Variants in BTG4 observed in about 807,000 individuals in gnomAD.
The protein encoded by BTG4 is BTG anti-proliferation factor 4, also known as protein BTG4.
Under a neutral mutation model 19.3 loss-of-function variants are expected in BTG4, and 10 were observed. That is an observed-to-expected ratio of 0.52 (90% CI 0.32 to 0.88). The LOEUF (loss-of-function observed/expected upper bound fraction) is 0.88, where lower values mean the gene tolerates loss of function less well. Among genes scored for constraint, BTG4 ranks in the 40% least tolerant of loss-of-function variants. The probability of loss-of-function intolerance (pLI) is 0.04; values close to 1 mark genes in which losing one functional copy is unlikely to be tolerated. For synonymous variants in BTG4, 91 were observed against 95.7 expected, an observed-to-expected ratio of 0.95 and a Z score of 0.29; for missense variants, 238 against 281.9, an observed-to-expected ratio of 0.84 and a Z score of 1.11.
the BTG4 span, among the ~76,000 whole-genome samples, chr11:111,424,763 G>T: frequency 0.016 from 2,477 of 152,272 alleles, 67 homozygotes; most frequent in African/African-American, 0.057. Context: ...TTCGAGACCA[G>T]CCTGACCAAT....
At chr11:111,453,538 C>T in the BTG4 span, 2 of 456,638 alleles carry the variant, frequency 4.4e-6, no homozygotes, top group South Asian at 1.5e-5. Flanking sequence ...AAGGAGAGGC[C>T]GATCTCACCA....
chr11:111,482,921 T>C (rs1051922939), intron 5 of BTG4, among the ~76,000 whole-genome samples: 2 of 151,732 alleles, frequency 1.3e-5, no homozygotes, highest in South Asian at 2.1e-4. Context: ...GAAAAATGAA[T>C]GAATTCGACT....
In BTG4 at chr11:111,501,580, A is replaced by C. The variant is rs183752971; in HGVS notation, c.-26-2778T>G. Among the ~76,000 whole-genome samples the C allele has an allele frequency of 1.3e-3, 198 of 152,314 alleles. 1 individual carries two copies. The highest frequency in any genetic ancestry group is 4.4e-3 in the African/African-American group (184 of 41,572). ...AGCAGAGAAAAGGATACAAAAATAGATAGAAGCAATTAGTTCTAGTTATTC... is the reference window on the plus strand; with the variant it reads ...AGCAGAGAAAAGGATACAAAAATAGCTAGAAGCAATTAGTTCTAGTTATTC... On this transcript the variant is annotated intron_variant, in intron 1 of 4. Transcript: ENST00000692032.
At chr11:111,431,917 A>G in the BTG4 span, among the ~76,000 whole-genome samples, 14 of 152,230 alleles carry the variant, frequency 9.2e-5, no homozygotes, top group South Asian at 2.1e-4. Flanking sequence ...TTCCCAGTGG[A>G]GGATACAGAC....
At chr11:111,426,153 G>A in the BTG4 span, among the ~76,000 whole-genome samples, 1 of 152,188 alleles carries the variant, frequency 6.6e-6, no homozygotes, top group South Asian at 2.1e-4. Context: ...GGAGGAGGGT[G>A]ATGAGTTCAT....
chr11:111,420,374 C>T, the BTG4 span, among the ~76,000 whole-genome samples: 1 of 152,220 alleles, frequency 6.6e-6, no homozygotes, highest in African/African-American at 2.4e-5. Context: ...AACAATCCTC[C>T]TTGGACCAGG....
chr11:111,433,032 GC>G, the BTG4 span, among the ~76,000 whole-genome samples: 1 of 152,074 alleles, frequency 6.6e-6, no homozygotes, highest in East Asian at 1.9e-4. Flanking sequence ...AGTTGTAGAA[GC>G]CCTTGTCATC....
At chr11:111,390,766 C>A in the BTG4 span, among the ~76,000 whole-genome samples, 1 of 152,212 alleles carries the variant, frequency 6.6e-6, no homozygotes, top group African/African-American at 2.4e-5. Context: ...TTCTTCGAAG[C>A]CTTCCAGTCC....
chr11:111,388,279 CAGTT>C, the BTG4 span, among the ~76,000 whole-genome samples: 16 of 122,874 alleles, frequency 1.3e-4, no homozygotes, highest in East Asian at 1.7e-3. Flanking sequence ...GGCCATGACT[CAGTT>C]GGTTGGTTGG....
the BTG4 span, among the ~76,000 whole-genome samples, chr11:111,388,383 C>A: frequency 6.6e-6 from 1 of 151,404 alleles, no homozygotes; most frequent in Non-Finnish European, 1.5e-5. Flanking sequence ...ATTTTGGAAG[C>A]ACAACCCTAG....
chr11:111,508,862 T>C (rs996155707), intron 1 of BTG4, among the ~76,000 whole-genome samples: 1 of 151,136 alleles, frequency 6.6e-6, no homozygotes, highest in Non-Finnish European at 1.5e-5. Flanking sequence ...ACATATTAAT[T>C]ATCTATATAT....
At chr11:111,420,851 GA>G in the BTG4 span, among the ~76,000 whole-genome samples, 3 of 152,192 alleles carry the variant, frequency 2.0e-5, no homozygotes, top group Non-Finnish European at 4.4e-5. Flanking sequence ...AGAGAAAAAT[GA>G]ATCAATTATA....
At chr11:111,404,644 G>A in the BTG4 span, 1 of 456,206 alleles carries the variant, frequency 2.2e-6, no homozygotes, top group South Asian at 1.5e-5. Flanking sequence ...GAAATACATA[G>A]GAAAATACAA....
the BTG4 span, among the ~76,000 whole-genome samples, chr11:111,425,857 C>A: frequency 6.6e-6 from 1 of 152,052 alleles, no homozygotes; most frequent in Non-Finnish European, 1.5e-5. Flanking sequence ...CATAGTGACA[C>A]CCCATCTCTA....
At chr11:111,425,271 T>C in the BTG4 span, among the ~76,000 whole-genome samples, 1 of 152,174 alleles carries the variant, frequency 6.6e-6, no homozygotes, top group Non-Finnish European at 1.5e-5. Context: ...ACAGGTGTTG[T>C]TGAGGCCCTG....
At chr11:111,473,244 G>A (rs1277855118) in intron 5 of BTG4, 1 of 152,436 alleles carries the variant, frequency 6.6e-6, no homozygotes, top group African/African-American at 2.4e-5. Context: ...AAGATCCAAG[G>A]GCACTTAAAA....
chr11:111,416,616 C>G, the BTG4 span: 1 of 131,382 alleles, frequency 7.6e-6, no homozygotes, highest in Non-Finnish European at 1.7e-5. Flanking sequence ...GACATCCCGA[C>G]AGCGTCTGTC....
Position 111,497,284 on chromosome 11 carries a change from G to A in BTG4, c.437C>T (p.Ser146Phe), listed in dbSNP as rs757638744. ...RASSDVSSGTSCDEESCSKEP... is the reference protein window; with the variant it reads ...RASSDVSSGTFCDEESCSKEP... Reference sequence around the variant, plus strand: ...CTTGCTACAACTTTCTTCATCGCAGGAAGTGCCAGAGGAAACGTCTGATGA... The same window carrying A: ...CTTGCTACAACTTTCTTCATCGCAGAAAGTGCCAGAGGAAACGTCTGATGA... The change falls in exon 4 of 5, where the codon TCC (serine) becomes TTC (phenylalanine). Residue 146 changes from serine (S) to phenylalanine (F), a missense_variant. By Grantham distance (155) the Ser-to-Phe change is radical (BLOSUM62 -2). Transcript: ENST00000692032. The A allele has an allele frequency of 1.2e-5, 20 of 1,611,508 alleles. No homozygotes were observed. The highest frequency in any genetic ancestry group is 1.7e-5 in the Non-Finnish European group (20 of 1,179,094).
downstream of BTG4, among the ~76,000 whole-genome samples, chr11:111,463,924 G>C (rs964179893): frequency 1.3e-5 from 2 of 152,182 alleles, no homozygotes; most frequent in East Asian, 3.8e-4. Flanking sequence ...GACTTCATGG[G>C]CAGCTCACAA....
Sources: gnomAD v4.1 joint callset for allele counts (sites outside exome capture counted in the v4.1 genomes callset) on GRCh38, gnomAD v4.1.1 for gene constraint, MANE v1.5 for transcripts, NCBI Gene and HGNC (gene_info 2026-07-23, HGNC 2026-07-21) for gene names.